The following ECPAS variants were observed in gnomAD, a reference collection of about 807,000 sequenced individuals.
ECPAS encodes the protein Ecm29 proteasome adaptor and scaffold.
ECPAS carries 70 observed loss-of-function variants against 255.1 expected under a neutral mutation model. The ratio of observed to expected loss-of-function variants is 0.27; its 90% CI spans 0.23 to 0.33. ECPAS has a LOEUF of 0.33. ECPAS is among the 10% of genes least tolerant of loss of function. The probability of loss-of-function intolerance (pLI) is 1.00; values close to 1 mark genes in which losing one functional copy is unlikely to be tolerated. For synonymous variants in ECPAS, 784 were observed against 775.0 expected, an observed-to-expected ratio of 1.01 and a Z score of -0.19; for missense variants, 1,817 against 2,206.4, an observed-to-expected ratio of 0.82 and a Z score of 3.54.
chr9:111,378,452 A>AC, intron 36 of ECPAS, 128 bp downstream of exon 36: 1 of 935,590 alleles, frequency 1.1e-6, no homozygotes, highest in Non-Finnish European at 1.5e-6. Context: ...AAACAGTAAA[A>AC]CACTGCATGT....
intron 2 of ECPAS, among the ~76,000 whole-genome samples, chr9:111,458,200 A>C (rs920185461): frequency 6.6e-6 from 1 of 152,220 alleles, no homozygotes; most frequent in Non-Finnish European, 1.5e-5. Flanking sequence ...TTTTCATGTC[A>C]GATACATTAC....
chr9:111,477,900 CTTT>C (rs34461136), intron 1 of ECPAS, among the ~76,000 whole-genome samples: 22 of 138,298 alleles, frequency 1.6e-4, no homozygotes, highest in East Asian at 1.5e-3. Context: ...TTTTTGGCAA[CTTT>C]TTTTTTTTTT....
chr9:111,378,751 A>C, intron 35 of ECPAS, 21 bp from the exon 36 acceptor site: 17 of 1,588,726 alleles, frequency 1.1e-5, no homozygotes, highest in Non-Finnish European at 1.5e-5. Context: ...ATGGAACACA[A>C]CTCCTGAGTC....
chr9:111,454,655 C>CA lies in ECPAS; in HGVS notation c.23-3101dup, dbSNP rs556073762. Among the ~76,000 whole-genome samples the CA allele has an allele frequency of 2.8e-4, 42 of 150,242 alleles. 1 individual carries two copies. The East Asian group carries it at 7.4e-3, about 26-fold the overall frequency. On this transcript the variant is annotated intron_variant, in intron 2 of 49. Transcript: ENST00000684092. ...AAAAGATAAGCTTGTTCAAGTTTCA[C>CA]AAAAAAGAAGAAAGGTCAACATCTA... is the stretch of plus-strand genomic sequence containing the variant.
intron 1 of ECPAS, among the ~76,000 whole-genome samples, chr9:111,482,760 C>A (rs180961254): frequency 1.3e-5 from 2 of 149,306 alleles, no homozygotes; most frequent in Admixed American, 1.3e-4. Flanking sequence ...TATTTATGAC[C>A]CCAGCGTGGG....
At chr9:111,391,286 G>A (rs1311998512) in intron 29 of ECPAS, among the ~76,000 whole-genome samples, 2 of 152,082 alleles carry the variant, frequency 1.3e-5, no homozygotes, top group Non-Finnish European at 2.9e-5. Flanking sequence ...CTCAATTTAA[G>A]ACGTCAGCCT....
intron 24 of ECPAS, among the ~76,000 whole-genome samples, chr9:111,403,211 T>A (rs867611785): frequency 3.2e-4 from 36 of 113,308 alleles, no homozygotes; most frequent in African/African-American, 8.3e-4. Context: ...AAAAAAAAAA[T>A]TAGCTGGGCA....
chr9:111,411,079 T>C lies in ECPAS; in HGVS notation c.2278A>G (p.Lys760Glu). The change falls in exon 22 of 50, where the codon AAA (lysine) becomes GAA (glutamate). Residue 760 changes from lysine (K) to glutamate (E), a missense_variant. This residue lies in a region of ECPAS where 194 missense variants were observed against 152.8 expected (regional missense o/e 1.27). Transcript: ENST00000684092. ...LGFTVGRYLA[K>E]KKMRMSEQQD... The stretch of plus-strand genomic sequence containing the variant: ...TGCTCTGACATTCTCATTTTCTTTT[T>C]AGCCAAATACCTTCCCACCGTGAAT... 6.2e-7 allele frequency: 1 copy of C among 1,613,976 alleles called. No individual in the cohort carries two copies. Among genetic ancestry groups the C allele is most frequent in the Non-Finnish European group, 8.5e-7 (1 of 1,179,856 alleles).
chr9:111,394,385 A>ATTT (rs977015020), intron 25 of ECPAS, 80 bp from the exon 26 acceptor site: 2 of 1,283,538 alleles, frequency 1.6e-6, no homozygotes, highest in African/African-American at 3.0e-5. Flanking sequence ...TCAAATCAAC[A>ATTT]TTTACTCAAC....
intron 18 of ECPAS, among the ~76,000 whole-genome samples, chr9:111,415,322 C>G (rs945603036): frequency 1.3e-5 from 2 of 151,520 alleles, no homozygotes; most frequent in Admixed American, 6.6e-5. Context: ...CTGCAGAATT[C>G]CAGTTGTGTT....
rs1419145332 is a variant in ECPAS at position 111,428,219 on chromosome 9, T to C, written c.931-58A>G. On this transcript the variant is annotated intron_variant, in intron 9 of 49. Transcript: ENST00000684092. ...ATTCAAAATTATTTTGAACTGAAAA[T>C]GTCATGAGAATTCATCTTAATCAGT... 11 of 1,523,288 alleles carry C rather than the reference T, an allele frequency of 7.2e-6. No individual in the cohort carries two copies. The East Asian group carries it at 2.6e-4, about 35-fold the overall frequency. 94.4% of individuals were successfully genotyped at this position (1,523,288 alleles called of 1,614,324 possible). A position where few individuals can be genotyped will look rare whatever the true frequency, so the allele number is the denominator to read the frequency against.
rs2098220667 is a variant in ECPAS at position 111,425,788 on chromosome 9, T to C, written c.1091A>G (p.Lys364Arg). Residue 364 changes from lysine (K) to arginine (R), a missense_variant, in exon 11 of 50, where the codon AAG (lysine) becomes AGG (arginine). This residue lies in a region of ECPAS where 573 missense variants were observed against 716.2 expected (regional missense o/e 0.80). Transcript: ENST00000684092. ...AAATTGCAGGGATAATGTTCTTAAC[T>C]TTGAATTTGTATTTGTACCAAAAAG... ...DGLFGTNTNS[K>R]LRTLSLQFVH... 1.3e-6 allele frequency: 2 copies of C among 1,589,300 alleles called. No individual in the cohort carries two copies. The highest frequency in any genetic ancestry group is 1.7e-6 in the Non-Finnish European group (2 of 1,160,532).
At chr9:111,476,672 C>A (rs1046668753) in intron 1 of ECPAS, among the ~76,000 whole-genome samples, 8 of 150,974 alleles carry the variant, frequency 5.3e-5, no homozygotes, top group Admixed American at 5.3e-4. Context: ...ACCTCCGCCT[C>A]CCGGGTTCAA....
At position 111,361,500 on chromosome 9, in the gene ECPAS, G is replaced by A. The variant is rs142700190; in HGVS notation, c.*530C>T. On this transcript the variant is annotated 3_prime_UTR_variant, in exon 50 of 50. Coordinates refer to ENST00000684092, the MANE Select transcript of ECPAS (RefSeq NM_001364929.1). ...CTTGGAAGTTTCTTGGGTAAGCCGGGGTTAGCACTGATTTGGCAGATGGCC... is the reference window on the plus strand; with the variant it reads ...CTTGGAAGTTTCTTGGGTAAGCCGGAGTTAGCACTGATTTGGCAGATGGCC... 297 of 152,466 alleles carry A rather than the reference G, an allele frequency of 1.9e-3. 2 individuals are homozygous for A. Among genetic ancestry groups the A allele is most frequent in the Non-Finnish European group, 3.3e-3 (225 of 68,192 alleles). The allele number at this position is 152,466 out of a possible 1,614,324, so 9.4% of individuals were successfully genotyped here. A position where few individuals can be genotyped will look rare whatever the true frequency, so the allele number is the denominator to read the frequency against.
At chr9:111,414,321 C>T in intron 19 of ECPAS, 108 bp downstream of exon 19, 1 of 923,844 alleles carries the variant, frequency 1.1e-6, no homozygotes, top group Non-Finnish European at 1.6e-6. Flanking sequence ...GGCTAATGTT[C>T]AGTTACAGAA....
chr9:111,484,140 C>A lies in ECPAS; in HGVS notation c.-107G>T. ...CCTGAGTCGGAGCCGGTCTCCATGC[C>A]GCGGACGCTGCGCTCGGCGCCGCGA... is the stretch of plus-strand genomic sequence containing the variant. On this transcript the variant is annotated 5_prime_UTR_variant, in exon 1 of 50. Transcript: ENST00000684092. The A allele has an allele frequency of 6.8e-7, 1 of 1,463,264 alleles. No individual in the cohort carries two copies. The highest frequency in any genetic ancestry group is 9.0e-7 in the Non-Finnish European group (1 of 1,110,354). 90.6% of individuals were successfully genotyped at this position (1,463,264 alleles called of 1,614,324 possible).
At chr9:111,413,740 T>C (rs1589163130) in intron 20 of ECPAS, among the ~76,000 whole-genome samples, 155 bp downstream of exon 20, 2 of 152,132 alleles carry the variant, frequency 1.3e-5, no homozygotes, top group South Asian at 4.1e-4. Flanking sequence ...CATAGTGACC[T>C]ACATGCTTCC....
intron 2 of ECPAS, among the ~76,000 whole-genome samples, chr9:111,460,265 A>C (rs997721759): frequency 6.6e-6 from 1 of 152,230 alleles, no homozygotes; most frequent in Non-Finnish European, 1.5e-5. Flanking sequence ...CAAATTCAAC[A>C]TCTCTTCATG....
At chr9:111,455,307 A>G (rs774162056) in intron 2 of ECPAS, among the ~76,000 whole-genome samples, 2 of 151,898 alleles carry the variant, frequency 1.3e-5, no homozygotes, top group Non-Finnish European at 2.9e-5. Flanking sequence ...ACACGGTGAA[A>G]CCCCATCTCT....
Sources: allele counts gnomAD v4.1 joint callset (sites outside exome capture counted in the v4.1 genomes callset), GRCh38; gene constraint gnomAD v4.1.1; regional missense constraint gnomAD v4.1.1; transcripts MANE v1.5; gene names NCBI Gene and HGNC (gene_info 2026-07-23, HGNC 2026-07-21).